Variants in AK9 observed in about 807,000 individuals in gnomAD.
AK9 encodes adenylate kinase domain containing 1.
A neutral mutation model predicts 239.6 loss-of-function variants in AK9; 191 were observed. The ratio of observed to expected loss-of-function variants is 0.80; its 90% CI spans 0.71 to 0.90. The LOEUF (loss-of-function observed/expected upper bound fraction) is 0.90. Ranked by LOEUF, AK9 falls within the 40% of genes least tolerant of loss-of-function variation. The pLI, the probability that AK9 is intolerant of heterozygous loss-of-function variation, is 0.00. For missense variants in AK9, 1,995 were observed against 2,214.7 expected (o/e 0.90, Z 1.99); for synonymous variants, 689 against 721.0 (o/e 0.96, Z 0.71).
chr6:109,497,326 TCACACACACA>T (rs141968479), intron 38 of AK9, 129 bp downstream of exon 38: 40 of 421,786 alleles, frequency 9.5e-5, no homozygotes, highest in Middle Eastern at 3.9e-4. Flanking sequence ...CAGTGCTTGT[TCACACACACA>T]CACACACACA....
At chr6:109,497,362 A>ACACACC in intron 38 of AK9, 103 bp downstream of exon 38, 1 of 496,030 alleles carries the variant, frequency 2.0e-6, no homozygotes. Context: ...ACACACACAC[A>ACACACC]CTCTCTCTCT....
In AK9 at chr6:109,662,634, A is replaced by G. The variant is rs1253106258; in HGVS notation, c.361T>C (p.Ser121Pro). Residue 121 changes from serine (S) to proline (P), a missense_variant, in exon 6 of 41, where the codon TCA becomes CCA. Physicochemically the swap from Ser to Pro is moderately conservative, Grantham distance 74 (BLOSUM62 -1). Coordinates refer to ENST00000424296, the MANE Select transcript of AK9 (RefSeq NM_001145128.3). Reference sequence around the variant, plus strand: ...TGTAAGGTAGTCATGGCATCCTGTGAAAGTGATGGTATTTCAGTGATAATA... The same window carrying G: ...TGTAAGGTAGTCATGGCATCCTGTGGAAGTGATGGTATTTCAGTGATAATA... ...GYIITEIPSLSQDAMTTLQQI... is the reference protein window; with the variant it reads ...GYIITEIPSLPQDAMTTLQQI... The G allele has an allele frequency of 6.3e-7, 1 of 1,579,640 alleles. No homozygotes were observed. The highest frequency in any genetic ancestry group is 8.6e-7 in the Non-Finnish European group (1 of 1,162,556).
chr6:109,549,659 A>ATTTTTTTTTTTT (rs1562391021), intron 25 of AK9: 2 of 110,332 alleles, frequency 1.8e-5, no homozygotes, highest in African/African-American at 3.1e-5. Flanking sequence ...GAACTTAGAT[A>ATTTTTTTTTTTT]TTTTCTTTTT....
At chr6:109,514,639 A>T (rs915967038) in intron 31 of AK9, among the ~76,000 whole-genome samples, 6 of 152,236 alleles carry the variant, frequency 3.9e-5, no homozygotes, top group African/African-American at 1.4e-4. Flanking sequence ...TGAATGCAAT[A>T]GTTCTTAATT....
chr6:109,669,264 C>T (rs973049499), intron 5 of AK9, among the ~76,000 whole-genome samples: 11 of 152,110 alleles, frequency 7.2e-5, no homozygotes, highest in African/African-American at 2.7e-4. Flanking sequence ...GCTGAAGTTG[C>T]TTATCAGCTT....
Position 109,493,486 on chromosome 6 carries a change from T to A in AK9, c.5619A>T (p.Thr1873=). Residue 1873 remains threonine (T), a synonymous_variant, in exon 41 of 41, where the codon ACA becomes ACT. Transcript: ENST00000424296. ...EQFMESCELI[T]YLGAKMTRKY... is the part of the protein sequence containing the mutation. ...TTCTGGTCATCTTGGCACCCAAGTA[T>A]GTTATGAGTTCACAACTCTCCATAA... is the stretch of plus-strand genomic sequence containing the variant. 6.2e-7 allele frequency: 1 copy of A among 1,614,174 alleles called. No individual in the cohort carries two copies. Among genetic ancestry groups the A allele is most frequent in the Non-Finnish European group, 8.5e-7 (1 of 1,180,014 alleles).
chr6:109,559,627 T>C (rs1414691197), intron 24 of AK9, among the ~76,000 whole-genome samples: 1 of 152,238 alleles, frequency 6.6e-6, no homozygotes, highest in Non-Finnish European at 1.5e-5. Flanking sequence ...CAATTTCTGA[T>C]TGTCTATTGC....
chr6:109,646,810 A>T (rs1798125502), intron 8 of AK9, among the ~76,000 whole-genome samples: 1 of 152,220 alleles, frequency 6.6e-6, no homozygotes, highest in South Asian at 2.1e-4. Context: ...GGTTAAAATG[A>T]AGGAAAAAAT....
intron 1 of AK9, among the ~76,000 whole-genome samples, chr6:109,684,780 A>AGGAGAATG (rs536678059): frequency 0.05 from 6,704 of 135,200 alleles, 175 homozygotes; most frequent in South Asian, 0.097. Flanking sequence ...AGGCTGAGGC[A>AGGAGAATG]GGAGAATGGC....
At chr6:109,688,164 G>A (rs1309036930) in intron 1 of AK9, among the ~76,000 whole-genome samples, 3 of 152,012 alleles carry the variant, frequency 2.0e-5, no homozygotes, top group Non-Finnish European at 2.9e-5. Context: ...CCTCAATACG[G>A]TACAACCCCT....
chr6:109,507,481 G>A (rs1047389746), intron 33 of AK9, among the ~76,000 whole-genome samples: 4 of 152,114 alleles, frequency 2.6e-5, no homozygotes, highest in Admixed American at 1.3e-4. Flanking sequence ...GACCTATGAT[G>A]CATGCCTCTG....
chr6:109,567,249 T>C (rs1451273222), intron 21 of AK9, among the ~76,000 whole-genome samples: 1 of 151,942 alleles, frequency 6.6e-6, no homozygotes, highest in Middle Eastern at 3.2e-3. Context: ...AAAGGGGATA[T>C]CACCACTAAT....
intron 1 of AK9, among the ~76,000 whole-genome samples, chr6:109,688,425 T>G (rs1169743263): frequency 2.0e-5 from 3 of 152,212 alleles, no homozygotes; most frequent in Non-Finnish European, 2.9e-5. Context: ...TTTATCTTCA[T>G]GAGATCTCAT....
intron 24 of AK9, among the ~76,000 whole-genome samples, chr6:109,562,656 G>T (rs1220684814): frequency 2.0e-5 from 3 of 152,062 alleles, no homozygotes; most frequent in Non-Finnish European, 4.4e-5. Flanking sequence ...TTGATGGGGG[G>T]GCCAAAGTTT....
At chr6:109,675,006 G>A (rs1771497434) in intron 2 of AK9, among the ~76,000 whole-genome samples, 1 of 152,090 alleles carries the variant, frequency 6.6e-6, no homozygotes, top group Non-Finnish European at 1.5e-5. Flanking sequence ...AGCCATTTTG[G>A]TGTCTTTCTG....
chr6:109,581,581 G>T (rs764790272), intron 19 of AK9, among the ~76,000 whole-genome samples: 3 of 152,150 alleles, frequency 2.0e-5, no homozygotes, highest in Non-Finnish European at 2.9e-5. Context: ...GATGGCTGAG[G>T]GAGGCAAGGA....
chr6:109,649,863 T>C (rs1314919628), intron 8 of AK9, among the ~76,000 whole-genome samples: 13 of 151,898 alleles, frequency 8.6e-5, no homozygotes, highest in African/African-American at 2.2e-4. Flanking sequence ...ACCAAAACAG[T>C]GTGGTACTGG....
chr6:109,666,855 A>T (rs9384720), intron 5 of AK9, among the ~76,000 whole-genome samples: 88,588 of 152,032 alleles, frequency 0.58, 27,497 homozygotes, highest in East Asian at 0.84. Flanking sequence ...CCAGGCTGAT[A>T]TGAGTGGACA....
At chr6:109,564,518 T>C (rs1466654270) in intron 22 of AK9, among the ~76,000 whole-genome samples, 1 of 152,208 alleles carries the variant, frequency 6.6e-6, no homozygotes, top group Non-Finnish European at 1.5e-5. Context: ...ATGAGTTTCT[T>C]AAGGAAACTT....
Sources: gnomAD v4.1 joint callset for allele counts (sites outside exome capture counted in the v4.1 genomes callset) on GRCh38, gnomAD v4.1.1 for gene constraint, MANE v1.5 for transcripts, NCBI Gene and HGNC (gene_info 2026-07-23, HGNC 2026-07-21) for gene names.